The following OTOF variants were observed in gnomAD, a reference collection of about 807,000 sequenced individuals.
OTOF encodes fer-1-like family member 2.
Under a neutral mutation model 236.8 loss-of-function variants are expected in OTOF, and 218 were observed. The ratio of observed to expected loss-of-function variants is 0.92; its 90% CI spans 0.82 to 1.03. The LOEUF is 1.03. Ranked by LOEUF, OTOF falls within the 50% of genes least tolerant of loss-of-function variation. OTOF has a pLI of 0.00. For synonymous variants in OTOF, 1,041 were observed against 1,072.5 expected (o/e 0.97, Z 0.57); for missense variants, 2,590 against 2,694.4 (o/e 0.96, Z 0.86).
intron 3 of OTOF, among the ~76,000 whole-genome samples, chr2:26,525,221 C>G (rs1384858989): frequency 6.6e-6 from 1 of 152,192 alleles, no homozygotes; most frequent in African/African-American, 2.4e-5. Context: ...GTGGCCCTGA[C>G]AGCATTTCTG....
chr2:26,553,499 C>A (rs1445091961), intron 1 of OTOF, among the ~76,000 whole-genome samples: 1 of 152,176 alleles, frequency 6.6e-6, no homozygotes, highest in African/African-American at 2.4e-5. Context: ...TTACCCCCAC[C>A]GCTGGCCCTC....
intron 18 of OTOF, 89 bp downstream of exon 18, chr2:26,479,175 G>C: frequency 1.3e-6 from 2 of 1,516,564 alleles, no homozygotes; most frequent in Non-Finnish European, 1.8e-6. Context: ...CCCCTGGGCA[G>C]ACCAGCTTTG....
chr2:26,509,713 C>A (rs917719557), intron 5 of OTOF, among the ~76,000 whole-genome samples: 8 of 152,150 alleles, frequency 5.3e-5, no homozygotes, highest in African/African-American at 1.7e-4. Context: ...ATCTCTGGGG[C>A]TCAGGTTGCT....
chr2:26,493,318 G>T (rs1665893132), intron 9 of OTOF, among the ~76,000 whole-genome samples: 2 of 152,182 alleles, frequency 1.3e-5, no homozygotes. Context: ...TCTCAGAGCT[G>T]CCTGAGAAAT....
chr2:26,462,405 G>C lies in OTOF; in HGVS notation c.5193-224C>G, dbSNP rs1664525991. ...GTGGGCGGTGGGGGTGGGGTGAGGGGAGGAAGCCACCCTCTGTCTCAGATG... is the reference window on the plus strand; with the variant it reads ...GTGGGCGGTGGGGGTGGGGTGAGGGCAGGAAGCCACCCTCTGTCTCAGATG... On this transcript the variant is annotated intron_variant, in intron 41 of 46. Coordinates refer to ENST00000272371, the MANE Select transcript of OTOF (RefSeq NM_194248.3). This position sits in a 1 kb window ranked among gnomAD's most constrained non-coding sequence, Gnocchi z 4.7. 6.6e-6 allele frequency among the ~76,000 whole-genome samples: 1 copy of C among 152,104 alleles called. No homozygotes were observed. The highest frequency in any genetic ancestry group is 1.5e-5 in the Non-Finnish European group (1 of 68,016).
At chr2:26,511,915 G>A (rs1192261149) in intron 5 of OTOF, among the ~76,000 whole-genome samples, 1 of 152,154 alleles carries the variant, frequency 6.6e-6, no homozygotes, top group Non-Finnish European at 1.5e-5. Context: ...GCATGTACTG[G>A]CCCCACATGC....
At chr2:26,547,525 A>G (rs1351995463) in intron 1 of OTOF, among the ~76,000 whole-genome samples, 1 of 152,236 alleles carries the variant, frequency 6.6e-6, no homozygotes, top group African/African-American at 2.4e-5. Flanking sequence ...TAAGATTGTT[A>G]TTACGTTTTC....
chr2:26,554,838 C>A (rs950424311), intron 1 of OTOF, among the ~76,000 whole-genome samples: 3 of 152,144 alleles, frequency 2.0e-5, no homozygotes, highest in African/African-American at 7.2e-5. Flanking sequence ...AACCTTTGTG[C>A]CAATTTCCAG....
intron 8 of OTOF, among the ~76,000 whole-genome samples, chr2:26,500,584 A>C (rs1378879565): frequency 6.6e-6 from 1 of 152,150 alleles, no homozygotes; most frequent in Admixed American, 6.5e-5. Context: ...TAAGGAATCC[A>C]ATGGCTTGAA....
rs574666601 is a variant in OTOF at position 26,556,271 on chromosome 2, C to T, written c.79+2222G>A. Reference sequence around the variant, plus strand: ...GGACTTGCTTGGCCCCCAGTGGTTGCATGTGCTGGGAGATGCTAAGGAACA... The same window carrying T: ...GGACTTGCTTGGCCCCCAGTGGTTGTATGTGCTGGGAGATGCTAAGGAACA... On this transcript the variant is annotated intron_variant, in intron 1 of 46. Transcript: ENST00000272371. Among the ~76,000 whole-genome samples the T allele has an allele frequency of 2.0e-5, 3 of 152,330 alleles. 1 individual carries two copies. In the East Asian group the frequency reaches 5.8e-4, roughly 29 times the overall value.
At chr2:26,466,183 G>T in intron 36 of OTOF, 107 bp from the exon 37 acceptor site, 1 of 1,409,120 alleles carries the variant, frequency 7.1e-7, no homozygotes, top group East Asian at 2.4e-5. Flanking sequence ...GCAGGGGCAG[G>T]AGCACTGGAC....
chr2:26,525,438 T>A lies in OTOF; in HGVS notation c.227+2394A>T, dbSNP rs138871520. Among the ~76,000 whole-genome samples the A allele has an allele frequency of 4.6e-3, 704 of 152,336 alleles. 2 individuals carry two copies. Among genetic ancestry groups the A allele is most frequent in the African/African-American group, 0.015 (632 of 41,576 alleles). Reference sequence around the variant, plus strand: ...CACATTGGCTGGAAAATACTGGCTATCTTTCAGTTGTCTGCTGTCTTCCAG... The same window carrying A: ...CACATTGGCTGGAAAATACTGGCTAACTTTCAGTTGTCTGCTGTCTTCCAG... On this transcript the variant is annotated intron_variant, in intron 3 of 46. Transcript: ENST00000272371.
chr2:26,495,959 C>T lies in OTOF; in HGVS notation c.766-886G>A, dbSNP rs142630329. Among the ~76,000 whole-genome samples, 854 of 152,354 alleles carry T rather than the reference C, an allele frequency of 5.6e-3. 7 individuals carry two copies. Among genetic ancestry groups the T allele is most frequent in the African/African-American group, 0.016 (680 of 41,586 alleles). ...TGCATTTCTGGAATTTGGCTCCCCC[C>T]CCTTTCCACATTGTTTGCTGAATTT... On this transcript the variant is annotated intron_variant, in intron 8 of 46. Coordinates refer to ENST00000272371, the MANE Select transcript of OTOF (RefSeq NM_194248.3).
At chr2:26,522,715 G>C (rs888987665) in intron 3 of OTOF, among the ~76,000 whole-genome samples, 1 of 152,214 alleles carries the variant, frequency 6.6e-6, no homozygotes, top group Non-Finnish European at 1.5e-5. Context: ...GCACTGGCCC[G>C]GGTGTCAGGA....
At chr2:26,545,205 A>G (rs1667301998) in intron 1 of OTOF, among the ~76,000 whole-genome samples, 1 of 152,220 alleles carries the variant, frequency 6.6e-6, no homozygotes, top group African/African-American at 2.4e-5. Context: ...ATTTTAGAGC[A>G]TGTGAAATAA....
Position 26,457,326 on chromosome 2 carries a change from G to A in OTOF, c.*912C>T, listed in dbSNP as rs1168406970. The A allele has an allele frequency of 1.3e-5, 2 of 151,922 alleles. No individual in the cohort carries two copies. Among genetic ancestry groups the A allele is most frequent in the African/African-American group, 4.9e-5 (2 of 40,754 alleles). 9.4% of individuals were successfully genotyped at this position (151,922 alleles called of 1,614,324 possible). ...GCCAGCTCCCAGCTGCAGCTGAAAG[G>A]GCTGGAAGGGCAAGGGGGCAGGGGT... On this transcript the variant is annotated 3_prime_UTR_variant, in exon 47 of 47. Transcript: ENST00000272371. The surrounding 1 kb of genome is among the most constrained non-coding windows in gnomAD (Gnocchi z 4.4).
At chr2:26,489,394 C>T (rs1665781951) in intron 10 of OTOF, 99 bp from the exon 11 acceptor site, 7 of 941,802 alleles carry the variant, frequency 7.4e-6, no homozygotes, top group South Asian at 1.4e-5. Flanking sequence ...AGTGGGAGGG[C>T]GTTGGCAGAG....
chr2:26,511,579 A>C (rs1373330328), intron 5 of OTOF, among the ~76,000 whole-genome samples: 9 of 152,242 alleles, frequency 5.9e-5, no homozygotes, highest in Non-Finnish European at 2.9e-5. Context: ...GAAGGCCTAG[A>C]CACAGCACAG....
At chr2:26,510,374 C>T (rs890068420) in intron 5 of OTOF, among the ~76,000 whole-genome samples, 3 of 152,124 alleles carry the variant, frequency 2.0e-5, no homozygotes, top group African/African-American at 4.8e-5. Flanking sequence ...GCTGTCCCCT[C>T]CCTCCCAGGG....
Sources: allele counts gnomAD v4.1 joint callset (sites outside exome capture counted in the v4.1 genomes callset), GRCh38; gene constraint gnomAD v4.1.1; non-coding constraint Gnocchi (gnomAD v3.1); transcripts MANE v1.5; gene names NCBI Gene and HGNC (gene_info 2026-07-23, HGNC 2026-07-21).